Variants in VOPP1 observed in about 807,000 individuals in gnomAD.
VOPP1 encodes WW domain binding protein VOPP1.
A neutral mutation model predicts 23.5 loss-of-function variants in VOPP1; 8 were observed. The ratio of observed to expected loss-of-function variants is 0.34; its 90% confidence interval spans 0.20 to 0.61. The LOEUF is 0.61. Among genes scored for constraint, VOPP1 ranks in the 20% least tolerant of loss-of-function variants. The pLI is 0.78. For synonymous variants in VOPP1, 83 were observed against 97.3 expected (o/e 0.85, Z 0.86); for missense variants, 174 against 238.1 (o/e 0.73, Z 1.77).
chr7:55,543,178 G>A (rs1797210750), intron 1 of VOPP1, among the ~76,000 whole-genome samples: 1 of 152,164 alleles, frequency 6.6e-6, no homozygotes, highest in African/African-American at 2.4e-5. Context: ...GCCTCCCAAA[G>A]TGCTGGGATT....
At chr7:55,465,777 G>A (rs1791616168), downstream of VOPP1, among the ~76,000 whole-genome samples, 1 of 152,216 alleles carries the variant, frequency 6.6e-6, no homozygotes, top group Non-Finnish European at 1.5e-5. Context: ...CAGGACTTGA[G>A]CAAGACTGTC....
downstream of VOPP1, among the ~76,000 whole-genome samples, chr7:55,467,684 T>C (rs1247512939): frequency 6.6e-6 from 1 of 152,278 alleles, no homozygotes; most frequent in African/African-American, 2.4e-5. Flanking sequence ...GACATTTGCC[T>C]TGTAAATGAC....
chr7:55,487,780 G>A lies in VOPP1; in HGVS notation c.328+4502C>T, dbSNP rs371462546. ...GAAGATGGACCATAATTCAATCATC[G>A]TTTTCTTTGGAGCTCCCTTAACCAC... is the stretch of plus-strand genomic sequence containing the variant. On this transcript the variant is annotated intron_variant, in intron 4 of 4. Coordinates refer to ENST00000285279, the MANE Select transcript of VOPP1 (RefSeq NM_030796.5). Among the ~76,000 whole-genome samples the A allele has an allele frequency of 2.0e-5, 3 of 152,264 alleles. No homozygotes were observed. The South Asian group carries it at 6.2e-4, about 32-fold the overall frequency.
chr7:55,507,743 C>T (rs1794825085), intron 2 of VOPP1, among the ~76,000 whole-genome samples: 1 of 152,176 alleles, frequency 6.6e-6, no homozygotes, highest in African/African-American at 2.4e-5. Flanking sequence ...CCTGGCCTGA[C>T]ATGGTTTCCC....
At chr7:55,508,573 T>C (rs545155187) in intron 2 of VOPP1, among the ~76,000 whole-genome samples, 3 of 152,354 alleles carry the variant, frequency 2.0e-5, no homozygotes, top group South Asian at 4.1e-4. Context: ...CCCAGAGTTT[T>C]TGAAACTCCA....
chr7:55,528,686 A>G (rs952073278), intron 1 of VOPP1, among the ~76,000 whole-genome samples: 6 of 149,230 alleles, frequency 4.0e-5, no homozygotes, highest in African/African-American at 1.2e-4. Context: ...CTCTGTCTCA[A>G]AAAAAAAAAA....
intron 4 of VOPP1, among the ~76,000 whole-genome samples, chr7:55,440,147 C>G (rs1790928777): frequency 6.6e-6 from 1 of 152,174 alleles, no homozygotes; most frequent in African/African-American, 2.4e-5. Context: ...TTTATCTGAC[C>G]TGCTTTTTCC....
intron 4 of VOPP1, among the ~76,000 whole-genome samples, chr7:55,455,694 C>A (rs925653494): frequency 2.6e-5 from 4 of 152,156 alleles, no homozygotes; most frequent in Non-Finnish European, 5.9e-5. Flanking sequence ...CAAAAATAAG[C>A]AATGGGGAAA....
intron 4 of VOPP1, among the ~76,000 whole-genome samples, chr7:55,450,908 CAA>C (rs1368519199): frequency 1.3e-5 from 2 of 152,230 alleles, no homozygotes; most frequent in African/African-American, 4.8e-5. Context: ...GGGAGAAAGA[CAA>C]AGAGAGTGCT....
At chr7:55,508,997 T>C (rs148589849) in intron 2 of VOPP1, among the ~76,000 whole-genome samples, 1,669 of 152,306 alleles carry the variant, frequency 0.011, 11 homozygotes, top group Middle Eastern at 0.02. Flanking sequence ...GAGCTAGTAC[T>C]GCACCACTGT....
At chr7:55,460,606 T>C (rs1367246479) in intron 4 of VOPP1, among the ~76,000 whole-genome samples, 3 of 152,212 alleles carry the variant, frequency 2.0e-5, no homozygotes, top group Non-Finnish European at 4.4e-5. Context: ...ATATCAAGCA[T>C]TGTTATAGGT....
chr7:55,529,627 T>C (rs532035540), intron 1 of VOPP1, among the ~76,000 whole-genome samples: 20 of 152,332 alleles, frequency 1.3e-4, no homozygotes, highest in African/African-American at 3.8e-4. Context: ...TTTCAAGATA[T>C]AGTTTGATGA....
At chr7:55,507,254 G>A (rs565866874) in intron 2 of VOPP1, among the ~76,000 whole-genome samples, 66 of 152,144 alleles carry the variant, frequency 4.3e-4, no homozygotes, top group Non-Finnish European at 9.1e-4. Flanking sequence ...CCTGCTGGCT[G>A]GGACACACTC....
chr7:55,553,739 T>A (rs1797705293), intron 1 of VOPP1: 1 of 144,560 alleles, frequency 6.9e-6, no homozygotes, highest in African/African-American at 2.7e-5. Context: ...ATCTCTGTGC[T>A]CCCTTCCCCT....
downstream of VOPP1, among the ~76,000 whole-genome samples, chr7:55,468,495 C>G (rs917809185): frequency 6.6e-6 from 1 of 152,130 alleles, no homozygotes; most frequent in African/African-American, 2.4e-5. Flanking sequence ...AGCGGAGGTG[C>G]AACGGTCTGG....
chr7:55,544,034 C>T (rs1797254766), intron 1 of VOPP1, among the ~76,000 whole-genome samples: 1 of 152,148 alleles, frequency 6.6e-6, no homozygotes. Flanking sequence ...TAGCATAATA[C>T]TTTCATAGTT....
intron 1 of VOPP1, among the ~76,000 whole-genome samples, chr7:55,524,659 T>C (rs890078442): frequency 6.6e-6 from 1 of 152,200 alleles, no homozygotes; most frequent in African/African-American, 2.4e-5. Context: ...TAATTGTTGT[T>C]GTTGAGGCTT....
chr7:55,443,764 C>T (rs1791027463), intron 4 of VOPP1, among the ~76,000 whole-genome samples: 1 of 151,432 alleles, frequency 6.6e-6, no homozygotes, highest in Non-Finnish European at 1.5e-5. Flanking sequence ...CCTCCCTCAG[C>T]CTCCTGAGTA....
intron 2 of VOPP1, among the ~76,000 whole-genome samples, chr7:55,515,638 C>G (rs1381794990): frequency 6.6e-6 from 1 of 152,188 alleles, no homozygotes; most frequent in African/African-American, 2.4e-5. Context: ...AAAACTGAAG[C>G]CGCAGGCTGA....
Sources: allele counts gnomAD v4.1 joint callset (sites outside exome capture counted in the v4.1 genomes callset), GRCh38; gene constraint gnomAD v4.1.1; transcripts MANE v1.5; gene names NCBI Gene and HGNC (gene_info 2026-07-23, HGNC 2026-07-21).